The following B3GALT1 variants were observed in gnomAD, a reference collection of about 807,000 sequenced individuals.
B3GALT1 encodes the protein beta-1,3-galactosyltransferase 1.
In B3GALT1, 10 loss-of-function variants were observed where a neutral mutation model predicts 23.2. That is an observed-to-expected ratio of 0.43 (90% CI 0.27 to 0.73). The LOEUF is 0.73. Among genes scored for constraint, B3GALT1 ranks in the 30% least tolerant of loss-of-function variants. B3GALT1 has a pLI of 0.21. For synonymous variants in B3GALT1, 156 were observed against 141.5 expected (o/e 1.10, Z -0.73); for missense variants, 299 against 405.4 (o/e 0.74, Z 2.25).
chr2:167,340,409 G>A (rs1697129736), intron 1 of B3GALT1, among the ~76,000 whole-genome samples: 1 of 151,444 alleles, frequency 6.6e-6, no homozygotes, highest in East Asian at 1.9e-4. Context: ...AGAACATGCA[G>A]TCTACCCCTG....
chr2:167,585,478 A>G (rs1684571077), intron 2 of B3GALT1, among the ~76,000 whole-genome samples: 1 of 152,226 alleles, frequency 6.6e-6, no homozygotes, highest in Non-Finnish European at 1.5e-5. Flanking sequence ...TCATTGGGGA[A>G]TTACAAATTA....
intron 1 of B3GALT1, among the ~76,000 whole-genome samples, chr2:167,430,234 G>C (rs1698687186): frequency 6.6e-6 from 1 of 152,158 alleles, no homozygotes; most frequent in African/African-American, 2.4e-5. Context: ...GACTGTTTAT[G>C]ATTGTCTAAG....
intron 2 of B3GALT1, among the ~76,000 whole-genome samples, chr2:167,639,114 A>G (rs1353817782): frequency 6.6e-6 from 1 of 152,060 alleles, no homozygotes; most frequent in Non-Finnish European, 1.5e-5. Flanking sequence ...TAGGAGCTCA[A>G]ATAAAAAGTA....
chr2:167,744,958 T>G (rs1050210336), intron 3 of B3GALT1, among the ~76,000 whole-genome samples: 1 of 152,230 alleles, frequency 6.6e-6, no homozygotes, highest in Admixed American at 6.5e-5. Context: ...TCTGATTTTT[T>G]TATTGGCAAT....
chr2:167,871,944 C>G lies in B3GALT1; in HGVS notation c.*1924C>G, dbSNP rs1357265521. On this transcript the variant is annotated 3_prime_UTR_variant, in exon 5 of 5. Coordinates refer to ENST00000392690, the MANE Select transcript of B3GALT1 (RefSeq NM_020981.4). The stretch of plus-strand genomic sequence containing the variant: ...TGAGACGGAGTCTAGCTCTGTGGCC[C>G]AGGCGGGAGTGCAGTGGCACAATCT... 1 of 136,528 alleles carries G rather than the reference C, an allele frequency of 7.3e-6. No individual in the cohort carries two copies. The highest frequency in any genetic ancestry group is 8.1e-5 in the Admixed American group (1 of 12,346). 8.5% of individuals were successfully genotyped at this position (136,528 alleles called of 1,614,324 possible).
chr2:167,319,940 C>T (rs1026512333), intron 1 of B3GALT1, among the ~76,000 whole-genome samples: 3 of 151,948 alleles, frequency 2.0e-5, no homozygotes, highest in African/African-American at 7.3e-5. Flanking sequence ...ACTTACATAC[C>T]TTAAGTGACT....
At chr2:167,458,729 G>T (rs79577798) in intron 1 of B3GALT1, among the ~76,000 whole-genome samples, 1,768 of 152,220 alleles carry the variant, frequency 0.012, 38 homozygotes, top group African/African-American at 0.041. Context: ...ATCTTTTCAT[G>T]TGCTTATTGG....
At chr2:167,318,022 G>C (rs1194271155) in intron 1 of B3GALT1, among the ~76,000 whole-genome samples, 1 of 151,962 alleles carries the variant, frequency 6.6e-6, no homozygotes, top group Non-Finnish European at 1.5e-5. Flanking sequence ...TCAATATTCT[G>C]ATCCTTACAT....
At chr2:167,504,805 G>T (rs543291543) in intron 2 of B3GALT1, among the ~76,000 whole-genome samples, 1 of 152,282 alleles carries the variant, frequency 6.6e-6, no homozygotes, top group East Asian at 1.9e-4. Context: ...ATGCAGTACA[G>T]GTTTGTAGCC....
intron 1 of B3GALT1, among the ~76,000 whole-genome samples, chr2:167,424,432 T>A (rs1196905019): frequency 2.0e-5 from 3 of 152,178 alleles, no homozygotes; most frequent in African/African-American, 7.2e-5. Context: ...GGGACTTCAT[T>A]GATCACTGAA....
chr2:167,313,016 T>C (rs1052566076), intron 1 of B3GALT1, among the ~76,000 whole-genome samples: 3 of 152,152 alleles, frequency 2.0e-5, no homozygotes, highest in South Asian at 4.1e-4. Flanking sequence ...AGTTTTATTC[T>C]ATTTATCTGG....
chr2:167,359,017 G>A (rs1451252446), intron 1 of B3GALT1, among the ~76,000 whole-genome samples: 3 of 151,994 alleles, frequency 2.0e-5, no homozygotes, highest in Non-Finnish European at 4.4e-5. Context: ...GGCCAGGATG[G>A]TCTAGATCTC....
At chr2:167,486,357 C>CAAAA (rs56092916) in intron 1 of B3GALT1, among the ~76,000 whole-genome samples, 1 of 113,432 alleles carries the variant, frequency 8.8e-6, no homozygotes, top group Non-Finnish European at 1.9e-5. Context: ...GACTCTGTCT[C>CAAAA]AAAAAAAAAA....
intron 2 of B3GALT1, among the ~76,000 whole-genome samples, chr2:167,636,993 T>TA (rs912795234): frequency 1.1e-3 from 161 of 150,802 alleles, no homozygotes; most frequent in African/African-American, 2.1e-3. Context: ...ATAATAATAA[T>TA]AAAAAAAAAT....
At chr2:167,441,497 G>A (rs11902523) in intron 1 of B3GALT1, among the ~76,000 whole-genome samples, 1 of 152,086 alleles carries the variant, frequency 6.6e-6, no homozygotes, top group Non-Finnish European at 1.5e-5. Context: ...TTTTTATACT[G>A]TTGTGAGTTC....
At chr2:167,319,228 G>A (rs969282151) in intron 1 of B3GALT1, among the ~76,000 whole-genome samples, 11 of 152,068 alleles carry the variant, frequency 7.2e-5, no homozygotes, top group Non-Finnish European at 1.5e-4. Flanking sequence ...CCTTGACATC[G>A]TTTCTACAAT....
intron 1 of B3GALT1, among the ~76,000 whole-genome samples, chr2:167,484,495 G>C (rs1983514): frequency 0.49 from 74,411 of 151,966 alleles, 21,285 homozygotes; most frequent in East Asian, 0.98. Context: ...TACATTGTTT[G>C]AATCCATAAA....
intron 4 of B3GALT1, among the ~76,000 whole-genome samples, chr2:167,865,085 C>T (rs1168701335): frequency 6.6e-6 from 1 of 152,102 alleles, no homozygotes; most frequent in African/African-American, 2.4e-5. Context: ...TCCCTTCCCC[C>T]AGAAAATCAC....
intron 3 of B3GALT1, among the ~76,000 whole-genome samples, chr2:167,708,576 A>G (rs1194499133): frequency 1.3e-5 from 2 of 152,176 alleles, no homozygotes; most frequent in Non-Finnish European, 2.9e-5. Flanking sequence ...CAGGAGGATC[A>G]CTTGAAACTG....
Sources: gnomAD v4.1 joint callset for allele counts (sites outside exome capture counted in the v4.1 genomes callset) on GRCh38, gnomAD v4.1.1 for gene constraint, MANE v1.5 for transcripts, NCBI Gene and HGNC (gene_info 2026-07-23, HGNC 2026-07-21) for gene names.